Variants in ARHGEF4 observed in about 807,000 individuals in gnomAD.
ARHGEF4 encodes Rho guanine nucleotide exchange factor 4.
ARHGEF4 carries 119 observed loss-of-function variants against 162.0 expected under a neutral mutation model. The ratio of observed to expected loss-of-function variants is 0.73; its 90% CI spans 0.63 to 0.86. The LOEUF is 0.86. Ranked by LOEUF, ARHGEF4 falls within the 40% of genes least tolerant of loss-of-function variation. The pLI is 0.00. For synonymous variants in ARHGEF4, 1,014 were observed against 979.9 expected (o/e 1.03, Z -0.65); for missense variants, 2,488 against 2,456.0 (o/e 1.01, Z -0.28).
chr2:130,982,727 T>C (rs1686213989), intron 4 of ARHGEF4, among the ~76,000 whole-genome samples: 1 of 152,150 alleles, frequency 6.6e-6, no homozygotes, highest in African/African-American at 2.4e-5. Flanking sequence ...AAAATACATC[T>C]TCATATATAT....
intron 1 of ARHGEF4, among the ~76,000 whole-genome samples, chr2:130,864,222 G>A (rs1682100979): frequency 6.6e-6 from 1 of 151,598 alleles, no homozygotes; most frequent in South Asian, 2.1e-4. Flanking sequence ...AAAGGAGTGA[G>A]TTACTGACAC....
chr2:130,866,150 T>G (rs547346189), intron 1 of ARHGEF4, among the ~76,000 whole-genome samples: 5 of 152,110 alleles, frequency 3.3e-5, no homozygotes, highest in Admixed American at 3.3e-4. Flanking sequence ...GTGGAAGGAT[T>G]GCTTAAGGCC....
At chr2:131,002,928 A>T (rs1687877936) in intron 4 of ARHGEF4, among the ~76,000 whole-genome samples, 1 of 152,118 alleles carries the variant, frequency 6.6e-6, no homozygotes, top group African/African-American at 2.4e-5. Flanking sequence ...GTAGTCACCT[A>T]AAGGGAACTG....
At chr2:131,039,129 G>A in intron 6 of ARHGEF4, 97 bp downstream of exon 6, 1 of 1,413,608 alleles carries the variant, frequency 7.1e-7, no homozygotes, top group East Asian at 2.5e-5. Flanking sequence ...TGGCATCCTA[G>A]GTGCAGAGCA....
In ARHGEF4 at chr2:130,991,908, C is replaced by T. The variant is rs182730706; in HGVS notation, c.3986-36037C>T. On this transcript the variant is annotated intron_variant, in intron 4 of 13. Transcript: ENST00000409359. ...CACTGGGTGAAGCCAGCTGGGCTCC[C>T]GAGTCTGGTGGGGACGTGGAGAATC... is the stretch of plus-strand genomic sequence containing the variant. Among the ~76,000 whole-genome samples the T allele has an allele frequency of 2.0e-4, 30 of 152,332 alleles. No individual in the cohort carries two copies. The East Asian group carries it at 2.1e-3, about 11-fold the overall frequency.
At chr2:131,043,816 T>C in intron 11 of ARHGEF4, 3 of 570,010 alleles carry the variant, frequency 5.3e-6, no homozygotes, top group Non-Finnish European at 9.3e-6. Context: ...GCATGATCTT[T>C]CCTGACCTGG....
In ARHGEF4 at chr2:131,040,145, C is replaced by A; in HGVS notation, c.4435C>A (p.Leu1479Ile). ...GCGGACCAACGTCATCAACGAGATCCTCAGCACTGAGCGGGACTACATCAA... is the reference window on the plus strand; with the variant it reads ...GCGGACCAACGTCATCAACGAGATCATCAGCACTGAGCGGGACTACATCAA... ...QMRTNVINEILSTERDYIKHL... is the reference protein window; with the variant it reads ...QMRTNVINEIISTERDYIKHL... The change falls in exon 7 of 14, where the codon CTC becomes ATC. Residue 1479 changes from leucine (L) to isoleucine (I), a missense_variant. This residue lies in a region of ARHGEF4 where 174 missense variants were observed against 148.3 expected (regional missense o/e 1.17). Transcript: ENST00000409359. 1 of 1,613,420 alleles carries A rather than the reference C, an allele frequency of 6.2e-7. No homozygotes were observed. Among genetic ancestry groups the A allele is most frequent in the South Asian group, 1.1e-5 (1 of 91,050 alleles).
chr2:130,861,058 A>G (rs1347984141), intron 1 of ARHGEF4, among the ~76,000 whole-genome samples: 1 of 95,928 alleles, frequency 1.0e-5, no homozygotes, highest in Non-Finnish European at 1.9e-5. Context: ...AAACTGTCAC[A>G]CTAGAACATA....
At chr2:130,990,631 T>G (rs1686881739) in intron 4 of ARHGEF4, among the ~76,000 whole-genome samples, 1 of 151,608 alleles carries the variant, frequency 6.6e-6, no homozygotes, top group Non-Finnish European at 1.5e-5. Flanking sequence ...AGAGGAGAGT[T>G]GAGGATCCCA....
rs1681546425 is a variant in ARHGEF4 at position 130,917,090 on chromosome 2, G to A, written c.3144G>A (p.Pro1048=). The A allele has an allele frequency of 2.6e-6, 4 of 1,550,584 alleles. No individual in the cohort carries two copies. The highest frequency in any genetic ancestry group is 2.0e-5 in the Admixed American group (1 of 50,994). Reference sequence around the variant, plus strand: ...GGTACCTACCTTCAGGTATCTTTCCGGAAAAGTCCTGGCTGGCGTCCCCCG... The same window carrying A: ...GGTACCTACCTTCAGGTATCTTTCCAGAAAAGTCCTGGCTGGCGTCCCCCG... The part of the protein sequence containing the change: ...GGRYLPSGIF[P]EKSWLASPGS... The change falls in exon 2 of 14, where the codon CCG becomes CCA. Residue 1048 remains proline, a synonymous_variant. Transcript: ENST00000409359.
chr2:130,866,939 G>T (rs753019425), intron 1 of ARHGEF4, among the ~76,000 whole-genome samples: 4 of 152,134 alleles, frequency 2.6e-5, no homozygotes, highest in Non-Finnish European at 4.4e-5. Context: ...GCAAATAAAC[G>T]GTATCATTTG....
intron 1 of ARHGEF4, among the ~76,000 whole-genome samples, chr2:130,906,842 A>G (rs1047637760): frequency 1.3e-5 from 2 of 152,194 alleles, no homozygotes; most frequent in Non-Finnish European, 2.9e-5. Context: ...TTGTCAGTCT[A>G]TAGTCCATCT....
intron 1 of ARHGEF4, among the ~76,000 whole-genome samples, chr2:130,843,571 C>G (rs900719186): frequency 6.6e-6 from 1 of 152,230 alleles, no homozygotes; most frequent in South Asian, 2.1e-4. Flanking sequence ...CCTCCTCTCC[C>G]CCACTGCTCT....
At chr2:131,009,955 T>TTTTTGTTTTG (rs1000047149) in intron 4 of ARHGEF4, among the ~76,000 whole-genome samples, 181 of 152,218 alleles carry the variant, frequency 1.2e-3, no homozygotes, top group African/African-American at 4.0e-3. Context: ...TCTGAAGAGG[T>TTTTTGTTTTG]TTTTGTTTTG....
intron 1 of ARHGEF4, among the ~76,000 whole-genome samples, chr2:130,895,824 G>T (rs1680119697): frequency 6.6e-6 from 1 of 152,132 alleles, no homozygotes; most frequent in Admixed American, 6.5e-5. Flanking sequence ...TAAACAGGAA[G>T]AGCCTTTAAT....
intron 4 of ARHGEF4, among the ~76,000 whole-genome samples, chr2:131,027,355 C>T (rs1689547763): frequency 6.6e-6 from 1 of 152,098 alleles, no homozygotes; most frequent in South Asian, 2.1e-4. Context: ...AAGACAAAGG[C>T]ATGAGAATGA....
intron 5 of ARHGEF4, among the ~76,000 whole-genome samples, chr2:131,037,904 C>T (rs1690426503): frequency 1.3e-5 from 2 of 152,200 alleles, no homozygotes; most frequent in Admixed American, 1.3e-4. Context: ...GTAGCAGCTG[C>T]AAAACGTTTC....
intron 1 of ARHGEF4, among the ~76,000 whole-genome samples, chr2:130,892,200 G>A (rs964489586): frequency 5.3e-5 from 8 of 152,150 alleles, no homozygotes; most frequent in Admixed American, 2.0e-4. Context: ...TGACCTAGTG[G>A]TCTTGAGGCT....
At chr2:130,910,125 A>G (rs895062103) in intron 1 of ARHGEF4, among the ~76,000 whole-genome samples, 4 of 152,162 alleles carry the variant, frequency 2.6e-5, no homozygotes, top group Admixed American at 6.5e-5. Context: ...TGATGGGTGC[A>G]GCAAACCACC....
Sources: gnomAD v4.1 joint callset for allele counts (sites outside exome capture counted in the v4.1 genomes callset) on GRCh38, gnomAD v4.1.1 for gene constraint, gnomAD v4.1.1 regional missense constraint, MANE v1.5 for transcripts, NCBI Gene and HGNC (gene_info 2026-07-23, HGNC 2026-07-21) for gene names.